The following RBM28 variants were observed in gnomAD, a reference collection of about 807,000 sequenced individuals.
The protein encoded by RBM28 is RNA binding motif protein 28.
A neutral mutation model predicts 98.3 loss-of-function variants in RBM28; 78 were observed. The ratio of observed to expected loss-of-function variants is 0.79; its 90% CI spans 0.66 to 0.96. RBM28 has a LOEUF of 0.96. Among genes scored for constraint, RBM28 ranks in the 40% least tolerant of loss-of-function variants. The probability of loss-of-function intolerance (pLI) is 0.00; values close to 1 mark genes in which losing one functional copy is unlikely to be tolerated. For synonymous variants in RBM28, 306 were observed against 330.9 expected, an observed-to-expected ratio of 0.92 and a Z score of 0.82; for missense variants, 838 against 913.0, an observed-to-expected ratio of 0.92 and a Z score of 1.06.
rs964160250 is a variant in RBM28, at chr7:128,301,199, A to C, written c.*9598T>G. On this transcript the variant is annotated 3_prime_UTR_variant, in exon 19 of 19. Transcript: ENST00000223073. ...CAGGACACTGGGGACAAAAGACATC[A>C]CAGACCCTATCTCCCGTGCTCTTTT... 2 of 152,236 alleles carry C rather than the reference A, an allele frequency of 1.3e-5. No homozygotes were observed. The highest frequency in any genetic ancestry group is 2.9e-5 in the Non-Finnish European group (2 of 68,048). 9.4% of individuals were successfully genotyped at this position (152,236 alleles called of 1,614,324 possible). A position where few individuals can be genotyped will look rare whatever the true frequency, so the allele number is the denominator to read the frequency against.
intron 18 of RBM28, 129 bp from the exon 19 acceptor site, chr7:128,311,060 T>C (rs932013148): frequency 5.5e-6 from 5 of 915,156 alleles, no homozygotes; most frequent in African/African-American, 1.7e-5. Context: ...GGTAGGTTTC[T>C]AGAGAGAGAC....
At chr7:128,323,685 C>A in intron 12 of RBM28, 94 bp from the exon 13 acceptor site, 1 of 1,437,510 alleles carries the variant, frequency 7.0e-7, no homozygotes. Context: ...ACTCTTTGTA[C>A]AGGGCCCAGA....
At chr7:128,337,665 C>T (rs1379798886) in intron 5 of RBM28, among the ~76,000 whole-genome samples, 1 of 151,204 alleles carries the variant, frequency 6.6e-6, no homozygotes, top group Non-Finnish European at 1.5e-5. Context: ...TCAAGCGATT[C>T]TCCTGCCTCA....
At chr7:128,341,280 GC>G in intron 1 of RBM28, 1 of 869,644 alleles carries the variant, frequency 1.1e-6, no homozygotes. Flanking sequence ...CATAAAAGCT[GC>G]CCACTCACCT....
intron 8 of RBM28, among the ~76,000 whole-genome samples, chr7:128,334,404 C>G (rs1450939504): frequency 6.6e-6 from 1 of 152,156 alleles, no homozygotes; most frequent in Non-Finnish European, 1.5e-5. Context: ...TTGTAGAATA[C>G]AGGATCTCAG....
rs398111863 is a variant in RBM28 at position 128,298,583 on chromosome 7, C to CT, written c.*12213_*12214insA. 37 of 151,540 alleles carry CT rather than the reference C, an allele frequency of 2.4e-4. No individual in the cohort carries two copies. Among genetic ancestry groups the CT allele is most frequent in the African/African-American group, 9.0e-4 (37 of 41,008 alleles). 9.4% of individuals were successfully genotyped at this position (151,540 alleles called of 1,614,324 possible). A position where few individuals can be genotyped will look rare whatever the true frequency, so the allele number is the denominator to read the frequency against. ...AACGGATTTATTTTCAAATGCCCCC[C>CT]ATTGCTCTTCTTTAAATATACAGAA... On this transcript the variant is annotated 3_prime_UTR_variant, in exon 19 of 19. Coordinates refer to ENST00000223073, the MANE Select transcript of RBM28 (RefSeq NM_018077.3).
At chr7:128,322,927 C>T (rs531426876) in intron 13 of RBM28, among the ~76,000 whole-genome samples, 2 of 152,256 alleles carry the variant, frequency 1.3e-5, no homozygotes, top group African/African-American at 4.8e-5. Flanking sequence ...AGTTATGCAT[C>T]TTTACCCTTC....
At position 128,335,991 on chromosome 7, in the gene RBM28, C is replaced by A. The variant is rs1468704435; in HGVS notation, c.665G>T (p.Gly222Val). The A allele has an allele frequency of 6.2e-7, 1 of 1,611,952 alleles. No homozygotes were observed. Among genetic ancestry groups the A allele is most frequent in the African/African-American group, 1.3e-5 (1 of 74,960 alleles). The change falls in exon 7 of 19, where the codon GGC becomes GTC. Residue 222 changes from glycine to valine, a missense_variant. Transcript: ENST00000223073. Reference sequence around the variant, plus strand: ...CTCTTCCATATCCTCTTCCTCTCTGCCCTTCTTTTTAACTGATTCCTGATG... The same window carrying A: ...CTCTTCCATATCCTCTTCCTCTCTGACCTTCTTTTTAACTGATTCCTGATG... Reference protein sequence around the residue: ...SKHQESVKKKGREEEDMEEEE... With the variant: ...SKHQESVKKKVREEEDMEEEE...
intron 8 of RBM28, among the ~76,000 whole-genome samples, chr7:128,335,147 T>C (rs1312732305): frequency 6.6e-6 from 1 of 152,046 alleles, no homozygotes; most frequent in African/African-American, 2.4e-5. Context: ...CTCCAAGGAG[T>C]TGTTTAAAAT....
Position 128,323,528 on chromosome 7 carries a change from C to G in RBM28, c.1403G>C (p.Arg468Pro). ...AAGGTCAATGCCTAATCTACTCACCCGTTCTCTTTTGGCCATATCAGCAGC... is the reference window on the plus strand; with the variant it reads ...AAGGTCAATGCCTAATCTACTCACCGGTTCTCTTTTGGCCATATCAGCAGC... ...VSAADMAKRE[R>P]FELLKHQKLK... is the part of the protein sequence containing the mutation. Residue 468 changes from arginine to proline, a missense_variant and splice_region_variant, in exon 13 of 19, where the codon CGG becomes CCG. Physicochemically the swap from Arg to Pro is moderately radical, Grantham distance 103. Coordinates refer to ENST00000223073, the MANE Select transcript of RBM28 (RefSeq NM_018077.3). 6.2e-7 allele frequency: 1 copy of G among 1,614,204 alleles called. No individual in the cohort carries two copies.
chr7:128,340,749 C>T (rs1326670818), intron 1 of RBM28, among the ~76,000 whole-genome samples: 2 of 152,162 alleles, frequency 1.3e-5, no homozygotes, highest in African/African-American at 4.8e-5. Context: ...CCTTAGCTGT[C>T]GATATCAAAT....
rs376628348 is a variant in RBM28, at chr7:128,302,017, C to G, written c.*8780G>C. ...AGAGGGGTAAGGGACTGTTTGCCTC[C>G]TACAGATTTCCCTTCTTTCTCTTCT... On this transcript the variant is annotated 3_prime_UTR_variant, in exon 19 of 19. Coordinates refer to ENST00000223073, the MANE Select transcript of RBM28 (RefSeq NM_018077.3). 5.3e-5 allele frequency: 8 copies of G among 152,340 alleles called. No homozygotes were observed. The East Asian group carries it at 1.2e-3, about 22-fold the overall frequency. 9.4% of individuals were successfully genotyped at this position (152,340 alleles called of 1,614,324 possible).
Position 128,333,345 on chromosome 7 carries a change from T to G in RBM28, c.964A>C (p.Lys322Gln), listed in dbSNP as rs1490952733. 6.2e-7 allele frequency: 1 copy of G among 1,601,754 alleles called. No individual in the cohort carries two copies. Reference sequence around the variant, plus strand: ...TCAGAGGGTAATTTCCTCTTCTTTTTGTTTGAGACTTGCACAGCTAAGGTA... The same window carrying G: ...TCAGAGGGTAATTTCCTCTTCTTTTGGTTTGAGACTTGCACAGCTAAGGTA... ...QEDKAVQVSN[K>Q]KKRKLPSDVN... The change falls in exon 9 of 19, where the codon AAA becomes CAA. Residue 322 changes from lysine to glutamine, a missense_variant. Coordinates refer to ENST00000223073, the MANE Select transcript of RBM28 (RefSeq NM_018077.3).
At chr7:128,323,637 C>T (rs1562952765) in intron 12 of RBM28, 46 bp from the exon 13 acceptor site, 1 of 1,598,426 alleles carries the variant, frequency 6.3e-7, no homozygotes, top group Non-Finnish European at 8.6e-7. Flanking sequence ...AGGGAATTTT[C>T]ACTGAGCAAC....
chr7:128,310,681 G>T lies in RBM28; in HGVS notation c.*116C>A. On this transcript the variant is annotated 3_prime_UTR_variant, in exon 19 of 19. Coordinates refer to ENST00000223073, the MANE Select transcript of RBM28 (RefSeq NM_018077.3). ...AGTCCAGGGCACCTCCGAGCACAGTGGCAGTGCCCTTGGGGATTTTCTTTC... is the reference window on the plus strand; with the variant it reads ...AGTCCAGGGCACCTCCGAGCACAGTTGCAGTGCCCTTGGGGATTTTCTTTC... 1 of 1,378,892 alleles carries T rather than the reference G, an allele frequency of 7.3e-7. No homozygotes were observed. The highest frequency in any genetic ancestry group is 1.0e-6 in the Non-Finnish European group (1 of 977,576). The allele number at this position is 1,378,892 out of a possible 1,614,324, so 85.4% of individuals were successfully genotyped here. A position where few individuals can be genotyped will look rare whatever the true frequency, so the allele number is the denominator to read the frequency against.
chr7:128,317,693 A>C lies in RBM28; in HGVS notation c.1754T>G (p.Leu585Arg), dbSNP rs771919010. 11 of 1,609,712 alleles carry C rather than the reference A, an allele frequency of 6.8e-6. No homozygotes were observed. The highest frequency in any genetic ancestry group is 9.4e-6 in the Non-Finnish European group (11 of 1,176,036). The change falls in exon 16 of 19, where the codon CTT (leucine) becomes CGT (arginine). Residue 585 changes from leucine (L) to arginine (R), a missense_variant. Transcript: ENST00000223073. ...CTGGATCCTTAATTCCTTCATTTTA[A>C]GTTTTCTTCGATCTTCTAAAGAGAA... is the stretch of plus-strand genomic sequence containing the variant. ...VEFSLEDRRK[L>R]KMKELRIQRS...
intron 6 of RBM28, 81 bp downstream of exon 6, chr7:128,337,050 T>A (rs917628619): frequency 8.9e-6 from 13 of 1,455,676 alleles, no homozygotes; most frequent in Non-Finnish European, 1.3e-5. Flanking sequence ...CTTACACTTT[T>A]ATCATGAACA....
chr7:128,301,738 A>G lies in RBM28; in HGVS notation c.*9059T>C, dbSNP rs1462000572. On this transcript the variant is annotated 3_prime_UTR_variant, in exon 19 of 19. Transcript: ENST00000223073. ...CTTGGCGGGCCTTGCCCTGGCCCAG[A>G]CATCACAGACCACTCTCACTGCACT... The G allele has an allele frequency of 1.3e-5, 2 of 152,426 alleles. No individual in the cohort carries two copies. The highest frequency in any genetic ancestry group is 3.8e-4 in the East Asian group (2 of 5,206). The allele number at this position is 152,426 out of a possible 1,614,324, so 9.4% of individuals were successfully genotyped here.
At chr7:128,313,127 C>A (rs1404563628) in intron 18 of RBM28, 48 bp downstream of exon 18, 1 of 1,555,798 alleles carries the variant, frequency 6.4e-7, no homozygotes, top group African/African-American at 1.4e-5. Context: ...ATGGCTACGA[C>A]CTGGCAGAAC....
Sources: gnomAD v4.1 joint callset for allele counts (sites outside exome capture counted in the v4.1 genomes callset) on GRCh38, gnomAD v4.1.1 for gene constraint, MANE v1.5 for transcripts, NCBI Gene and HGNC (gene_info 2026-07-23, HGNC 2026-07-21) for gene names.